Variants in SORD observed in about 807,000 individuals in gnomAD.
SORD encodes (R,R)-butanediol dehydrogenase.
A neutral mutation model predicts 35.6 loss-of-function variants in SORD; 18 were observed. The ratio of observed to expected loss-of-function variants is 0.51; its 90% CI spans 0.35 to 0.75. SORD has a LOEUF of 0.75. Ranked by LOEUF, SORD falls within the 30% of genes least tolerant of loss-of-function variation. SORD has a pLI of 0.01. For missense variants in SORD, 250 were observed against 390.2 expected, an observed-to-expected ratio of 0.64 and a Z score of 3.03; for synonymous variants, 106 against 152.9, an observed-to-expected ratio of 0.69 and a Z score of 2.26.
intron 3 of SORD, among the ~76,000 whole-genome samples, chr15:45,060,665 A>G (rs1254378547): frequency 2.6e-5 from 4 of 152,220 alleles, no homozygotes; most frequent in East Asian, 1.9e-4. Flanking sequence ...AACTCCATGT[A>G]TTAGCTACCC....
chr15:45,057,888 C>T (rs1397096689), intron 3 of SORD, among the ~76,000 whole-genome samples: 1 of 152,238 alleles, frequency 6.6e-6, no homozygotes, highest in Non-Finnish European at 1.5e-5. Flanking sequence ...AATATCCTCC[C>T]ATACAGTGCC....
chr15:45,053,636 TTTTTA>T (rs1176527142), intron 3 of SORD, among the ~76,000 whole-genome samples: 1 of 152,100 alleles, frequency 6.6e-6, no homozygotes, highest in Non-Finnish European at 1.5e-5. Flanking sequence ...TTCTTTAAAT[TTTTTA>T]TTTTATTTTA....
At chr15:45,040,078 C>T (rs1595498487) in intron 1 of SORD, among the ~76,000 whole-genome samples, 1 of 151,932 alleles carries the variant, frequency 6.6e-6, no homozygotes. Flanking sequence ...AGGGAGGGAA[C>T]CCAGCGTCAG....
chr15:45,023,440 G>A (rs1443664059), intron 1 of SORD, 91 bp downstream of exon 1: 18 of 1,182,964 alleles, frequency 1.5e-5, no homozygotes, highest in Middle Eastern at 3.0e-4. Flanking sequence ...TTCCAGCCTG[G>A]CGCCGGCCCC....
intron 1 of SORD, among the ~76,000 whole-genome samples, chr15:45,038,482 C>A (rs1892910578): frequency 6.6e-6 from 1 of 152,132 alleles, no homozygotes. Flanking sequence ...AGCTTTGTTT[C>A]ACAGGAGAAG....
intron 1 of SORD, among the ~76,000 whole-genome samples, chr15:45,029,332 T>C (rs951952765): frequency 2.2e-4 from 33 of 152,138 alleles, no homozygotes; most frequent in African/African-American, 7.7e-4. Flanking sequence ...CATTTTCCTC[T>C]CAAAGTGATG....
intron 5 of SORD, among the ~76,000 whole-genome samples, chr15:45,066,228 G>A (rs1455236517): frequency 1.4e-5 from 2 of 137,990 alleles, no homozygotes; most frequent in Non-Finnish European, 3.1e-5. Flanking sequence ...CTAGGTGACA[G>A]AGCGAGATTC....
intron 3 of SORD, among the ~76,000 whole-genome samples, chr15:45,053,942 A>G (rs1245723874): frequency 2.8e-5 from 4 of 144,400 alleles, no homozygotes; most frequent in East Asian, 2.0e-4. Context: ...ATGATTTCCA[A>G]TTTCATCCAT....
chr15:45,057,522 C>G (rs75091260), intron 3 of SORD, among the ~76,000 whole-genome samples: 3 of 152,170 alleles, frequency 2.0e-5, no homozygotes, highest in Admixed American at 6.5e-5. Context: ...TGGTGGCTCA[C>G]GCCTGTAATC....
chr15:45,068,792 A>G lies in SORD; in HGVS notation c.611-85A>G, dbSNP rs1246203410. 74 of 1,425,244 alleles carry G rather than the reference A, an allele frequency of 5.2e-5. No individual in the cohort carries two copies. In the East Asian group the frequency reaches 1.5e-3, roughly 29 times the overall value. 88.3% of individuals were successfully genotyped at this position (1,425,244 alleles called of 1,614,324 possible). ...GAGAGCTTTGTTGCCATCAGATCTTACATCTCCATTTTCTTTTCTTCCTAA... is the reference window on the plus strand; with the variant it reads ...GAGAGCTTTGTTGCCATCAGATCTTGCATCTCCATTTTCTTTTCTTCCTAA... On this transcript the variant is annotated intron_variant, in intron 6 of 8. Coordinates refer to ENST00000267814, the MANE Select transcript of SORD (RefSeq NM_003104.6).
intron 1 of SORD, among the ~76,000 whole-genome samples, chr15:45,028,938 T>C (rs1052461221): frequency 6.6e-6 from 1 of 152,254 alleles, no homozygotes; most frequent in African/African-American, 2.4e-5. Flanking sequence ...CTGTGCATCA[T>C]GTCTGTTTCT....
intron 3 of SORD, among the ~76,000 whole-genome samples, chr15:45,044,192 G>A (rs1229473219): frequency 6.6e-6 from 1 of 152,196 alleles, no homozygotes; most frequent in East Asian, 1.9e-4. Context: ...AGGCTCCTGT[G>A]GTGTTATGAG....
At chr15:45,028,981 AGG>A in intron 1 of SORD, among the ~76,000 whole-genome samples, 1 of 152,266 alleles carries the variant, frequency 6.6e-6, no homozygotes, top group Admixed American at 6.5e-5. Flanking sequence ...ATCAGATTAA[AGG>A]GGCTGATAGT....
intron 7 of SORD, chr15:45,070,785 A>G (rs1893499257): frequency 6.6e-6 from 1 of 152,212 alleles, no homozygotes; most frequent in Admixed American, 6.5e-5. Context: ...GAGAGGCAGT[A>G]TAAGCTGGGG....
At chr15:45,037,130 T>C (rs946518304) in intron 1 of SORD, among the ~76,000 whole-genome samples, 1 of 152,174 alleles carries the variant, frequency 6.6e-6, no homozygotes, top group Non-Finnish European at 1.5e-5. Context: ...CAAGGGTAAT[T>C]AGAATCAGCC....
At chr15:45,069,392 A>G (rs1331276566) in intron 7 of SORD, among the ~76,000 whole-genome samples, 4 of 151,174 alleles carry the variant, frequency 2.6e-5, no homozygotes, top group Non-Finnish European at 5.9e-5. Flanking sequence ...TATTTTTTTT[A>G]GAAGAGATGG....
chr15:45,052,613 C>G (rs1040292176), intron 3 of SORD, among the ~76,000 whole-genome samples: 1 of 152,144 alleles, frequency 6.6e-6, no homozygotes, highest in Admixed American at 6.5e-5. Context: ...ATAGTCTACC[C>G]CCACAGTATG....
rs1401991699 is a variant in SORD, at chr15:45,075,423, A to G, written c.*1893A>G. Reference sequence around the variant, plus strand: ...GAGAAGGAAGCTGGGAGTGAGGGGCAGAGGCTCTACCAGAGAATGTCTGCT... The same window carrying G: ...GAGAAGGAAGCTGGGAGTGAGGGGCGGAGGCTCTACCAGAGAATGTCTGCT... On this transcript the variant is annotated 3_prime_UTR_variant, in exon 9 of 9. Coordinates refer to ENST00000267814, the MANE Select transcript of SORD (RefSeq NM_003104.6). The G allele has an allele frequency of 7.6e-6, 1 of 131,174 alleles. No individual in the cohort carries two copies. Among genetic ancestry groups the G allele is most frequent in the Non-Finnish European group, 1.5e-5 (1 of 66,814 alleles). 8.1% of individuals were successfully genotyped at this position (131,174 alleles called of 1,614,324 possible). A position where few individuals can be genotyped will look rare whatever the true frequency, so the allele number is the denominator to read the frequency against.
At position 45,069,194 on chromosome 15, in the gene SORD, CTTTTT is replaced by C. The variant is rs752540495; in HGVS notation, c.786+168_786+172del. 1.2e-3 allele frequency: 142 copies of C among 116,942 alleles called. 4 individuals carry two copies. Among genetic ancestry groups the C allele is most frequent in the South Asian group, 2.5e-3 (7 of 2,822 alleles). 7.2% of individuals were successfully genotyped at this position (116,942 alleles called of 1,614,324 possible). A position where few individuals can be genotyped will look rare whatever the true frequency, so the allele number is the denominator to read the frequency against. On this transcript the variant is annotated intron_variant, in intron 7 of 8. Transcript: ENST00000267814. ...CTTTTGCCATCTATGTTTTCTTTTT[CTTTTT>C]TTTTTTTTTTTTTTTTTTTTTTTTT...
Sources: gnomAD v4.1 joint callset for allele counts (sites outside exome capture counted in the v4.1 genomes callset) on GRCh38, gnomAD v4.1.1 for gene constraint, MANE v1.5 for transcripts, NCBI Gene and HGNC (gene_info 2026-07-23, HGNC 2026-07-21) for gene names.